Variants in TENM2 observed in about 807,000 individuals in gnomAD.
TENM2 encodes teneurin transmembrane protein 2.
In TENM2, 52 loss-of-function variants were observed where a neutral mutation model predicts 245.2. The observed-to-expected ratio is 0.21, with a 90% CI of 0.17 to 0.27. The LOEUF is 0.27. TENM2 is among the 10% of genes least tolerant of loss of function. The pLI is 1.00. For synonymous variants in TENM2, 1,363 were observed against 1,438.9 expected (o/e 0.95, Z 1.19); for missense variants, 3,046 against 3,666.8 (o/e 0.83, Z 4.37).
chr5:167,605,301 T>C (rs1398671691), intron 2 of TENM2, among the ~76,000 whole-genome samples: 1 of 152,210 alleles, frequency 6.6e-6, no homozygotes, highest in East Asian at 1.9e-4. Flanking sequence ...TTTATATTTA[T>C]TTATTACTGA....
At chr5:167,201,741 T>C in the TENM2 span, among the ~76,000 whole-genome samples, 1 of 152,216 alleles carries the variant, frequency 6.6e-6, no homozygotes, top group South Asian at 2.1e-4. Context: ...TTAAGCTTTT[T>C]TATGATTAGT....
intron 2 of TENM2, among the ~76,000 whole-genome samples, chr5:167,639,059 C>T (rs1369416995): frequency 3.3e-5 from 5 of 152,174 alleles, no homozygotes; most frequent in African/African-American, 7.2e-5. Context: ...CAGATTTATT[C>T]GGTAAGCTCC....
rs564358126 is a variant in TENM2 at position 167,744,782 on chromosome 5, T to C, written c.503-131204T>C. Among the ~76,000 whole-genome samples, 7 of 152,046 alleles carry C rather than the reference T, an allele frequency of 4.6e-5. No homozygotes were observed. The East Asian group carries it at 1.2e-3, about 25-fold the overall frequency. Reference sequence around the variant, plus strand: ...TTGATGTATTGTGGACACTGTTCTTTCTTTCTGTCTGTCTCTCTCTAAAAC... The same window carrying C: ...TTGATGTATTGTGGACACTGTTCTTCCTTTCTGTCTGTCTCTCTCTAAAAC... On this transcript the variant is annotated intron_variant, in intron 2 of 28. Coordinates refer to ENST00000518659, the Ensembl canonical transcript of TENM2.
intron 2 of TENM2, among the ~76,000 whole-genome samples, chr5:167,744,606 G>A (rs146205846): frequency 5.5e-4 from 84 of 152,226 alleles, no homozygotes; most frequent in African/African-American, 1.9e-3. Context: ...GTTTTTATTT[G>A]GAAAGGTGCA....
intron 1 of TENM2, among the ~76,000 whole-genome samples, chr5:167,341,132 C>G (rs1758076365): frequency 6.6e-6 from 1 of 152,200 alleles, no homozygotes; most frequent in Non-Finnish European, 1.5e-5. Context: ...TTGGGTCTAA[C>G]TTTAGACTAA....
intron 5 of TENM2, among the ~76,000 whole-genome samples, chr5:168,034,648 G>A (rs780081296): frequency 1.1e-4 from 17 of 151,956 alleles, no homozygotes; most frequent in Non-Finnish European, 2.4e-4. Context: ...ACGCATACCT[G>A]TAGTCCCAGC....
chr5:168,133,491 C>A (rs1338910699), intron 12 of TENM2, among the ~76,000 whole-genome samples: 1 of 152,310 alleles, frequency 6.6e-6, no homozygotes, highest in Non-Finnish European at 1.5e-5. Context: ...CTAATGCAAT[C>A]AAGCCTTTCT....
chr5:167,205,919 T>A, the TENM2 span, among the ~76,000 whole-genome samples: 1 of 152,198 alleles, frequency 6.6e-6, no homozygotes, highest in South Asian at 2.1e-4. Flanking sequence ...TTCTCGTTCT[T>A]GCAATTACTT....
chr5:167,470,561 G>T (rs1301867665), intron 2 of TENM2, among the ~76,000 whole-genome samples: 1 of 141,634 alleles, frequency 7.1e-6, no homozygotes, highest in Non-Finnish European at 1.5e-5. Flanking sequence ...TAGAAAAATA[G>T]ATTCTTTCTG....
chr5:167,995,084 G>A (rs1434506917), intron 5 of TENM2, among the ~76,000 whole-genome samples: 1 of 152,162 alleles, frequency 6.6e-6, no homozygotes, highest in Non-Finnish European at 1.5e-5. Flanking sequence ...GGGCCAGTGA[G>A]CACCACGGGG....
chr5:167,725,778 G>A (rs376574693), intron 2 of TENM2, among the ~76,000 whole-genome samples: 1 of 152,078 alleles, frequency 6.6e-6, no homozygotes, highest in African/African-American at 2.4e-5. Context: ...TCAGGGTCAC[G>A]CTTAAGCTCC....
chr5:167,797,497 C>T (rs1460559786), intron 2 of TENM2, among the ~76,000 whole-genome samples: 1 of 152,176 alleles, frequency 6.6e-6, no homozygotes, highest in Non-Finnish European at 1.5e-5. Context: ...GATAGATGCT[C>T]ATTTTCCTAT....
chr5:167,040,966 A>G, the TENM2 span, among the ~76,000 whole-genome samples: 49 of 152,314 alleles, frequency 3.2e-4, no homozygotes, highest in East Asian at 8.9e-3. Context: ...TTATTTATCA[A>G]TATGGTGGTC....
the TENM2 span, among the ~76,000 whole-genome samples, chr5:167,100,279 T>C: frequency 3.3e-5 from 5 of 152,250 alleles, no homozygotes; most frequent in South Asian, 2.1e-4. Flanking sequence ...AAGGCACAGA[T>C]GGAGATGGTG....
At chr5:167,920,875 A>T (rs990030613) in intron 3 of TENM2, among the ~76,000 whole-genome samples, 1 of 152,194 alleles carries the variant, frequency 6.6e-6, no homozygotes, top group Non-Finnish European at 1.5e-5. Context: ...ATAAAAATGA[A>T]CACCTGACAT....
the TENM2 span, among the ~76,000 whole-genome samples, chr5:167,016,875 G>A: frequency 6.6e-6 from 1 of 152,194 alleles, no homozygotes; most frequent in Non-Finnish European, 1.5e-5. Flanking sequence ...GGGAGAAACT[G>A]GCTCCCTGTG....
intron 2 of TENM2, among the ~76,000 whole-genome samples, chr5:167,556,161 A>C (rs2127631182): frequency 6.6e-6 from 1 of 152,274 alleles, no homozygotes; most frequent in Middle Eastern, 3.4e-3. Flanking sequence ...GATATGAGGA[A>C]AATTAGATTT....
intron 2 of TENM2, among the ~76,000 whole-genome samples, chr5:167,604,499 G>A (rs1042284623): frequency 6.6e-6 from 1 of 152,038 alleles, no homozygotes; most frequent in African/African-American, 2.4e-5. Flanking sequence ...TTAATCTTTT[G>A]GGGTAACTTT....
intron 2 of TENM2, among the ~76,000 whole-genome samples, chr5:167,857,834 G>T (rs896064468): frequency 4.4e-4 from 67 of 152,236 alleles, no homozygotes; most frequent in African/African-American, 1.6e-3. Context: ...TGGGTTTTCT[G>T]CTCATCCCCA....
Sources: gnomAD v4.1 joint callset for allele counts (sites outside exome capture counted in the v4.1 genomes callset) on GRCh38, gnomAD v4.1.1 for gene constraint, MANE v1.5 for transcripts, NCBI Gene and HGNC (gene_info 2026-07-23, HGNC 2026-07-21) for gene names.